Variants in MGME1 observed in about 807,000 individuals in gnomAD.
MGME1 encodes mitochondrial genome maintenance exonuclease 1.
MGME1 carries 22 observed loss-of-function variants against 33.0 expected under a neutral mutation model. The ratio of observed to expected loss-of-function variants is 0.67; its 90% CI spans 0.48 to 0.95. MGME1 has a LOEUF of 0.95. Ranked by LOEUF, MGME1 falls within the 40% of genes least tolerant of loss-of-function variation. The pLI is 0.00. For synonymous variants in MGME1, 133 were observed against 144.0 expected, an observed-to-expected ratio of 0.92 and a Z score of 0.55; for missense variants, 383 against 397.8, an observed-to-expected ratio of 0.96 and a Z score of 0.32.
At chr20:17,977,141 C>T (rs1217109266) in intron 3 of MGME1, among the ~76,000 whole-genome samples, 3 of 151,676 alleles carry the variant, frequency 2.0e-5, no homozygotes, top group Admixed American at 2.0e-4. Flanking sequence ...TTTGGGAGGC[C>T]GAGGTGGGCA....
intron 3 of MGME1, among the ~76,000 whole-genome samples, chr20:17,986,389 T>C (rs2036155578): frequency 6.6e-6 from 1 of 150,646 alleles, no homozygotes; most frequent in Admixed American, 6.6e-5. Flanking sequence ...TTTTTCTTTT[T>C]TCCTGAGACA....
chr20:17,979,416 T>G (rs2035947222), intron 3 of MGME1, among the ~76,000 whole-genome samples: 1 of 149,710 alleles, frequency 6.7e-6, no homozygotes, highest in South Asian at 2.1e-4. Context: ...TTAATTTTAT[T>G]TATTTATTTT....
At chr20:17,979,098 AC>A (rs2035939535) in intron 3 of MGME1, among the ~76,000 whole-genome samples, 1 of 150,136 alleles carries the variant, frequency 6.7e-6, no homozygotes, top group South Asian at 2.1e-4. Flanking sequence ...TTTTTTTAAG[AC>A]ACAGTTTTGT....
At chr20:17,988,730 ACTC>A (rs1271917290) in intron 4 of MGME1, among the ~76,000 whole-genome samples, 1 of 150,692 alleles carries the variant, frequency 6.6e-6, no homozygotes, top group African/African-American at 2.4e-5. Flanking sequence ...AAAAAATAGA[ACTC>A]CTTGAGGTTT....
chr20:17,974,061 G>GTTTT (rs34206000), intron 2 of MGME1, among the ~76,000 whole-genome samples: 3,449 of 85,460 alleles, frequency 0.04, 158 homozygotes, highest in Non-Finnish European at 0.062. Context: ...CTCTTTGTGT[G>GTTTT]TTTTTTTTTT....
intron 3 of MGME1, among the ~76,000 whole-genome samples, chr20:17,981,248 A>G (rs2122570442): frequency 6.6e-6 from 1 of 152,330 alleles, no homozygotes; most frequent in East Asian, 1.9e-4. Flanking sequence ...CAGTCATAAT[A>G]TACAGACATC....
chr20:17,969,785 GT>G lies in MGME1; in HGVS notation c.-59-12del. On this transcript the variant is annotated splice_polypyrimidine_tract_variant and intron_variant, in intron 1 of 4. Coordinates refer to ENST00000377710, the MANE Select transcript of MGME1 (RefSeq NM_052865.4). ...TGATGCAGCTTTCGCTTTGATGGTT[GT>G]TTTCTCTCCAATAGGAATACAAACA... The G allele has an allele frequency of 6.9e-7, 1 of 1,444,502 alleles. No individual in the cohort carries two copies. 89.5% of individuals were successfully genotyped at this position (1,444,502 alleles called of 1,614,324 possible). A position where few individuals can be genotyped will look rare whatever the true frequency, so the allele number is the denominator to read the frequency against.
intron 3 of MGME1, among the ~76,000 whole-genome samples, chr20:17,982,902 G>C (rs1488246168): frequency 6.6e-6 from 1 of 151,950 alleles, no homozygotes; most frequent in Non-Finnish European, 1.5e-5. Context: ...ATCATTTTTT[G>C]GTGGTGAGAA....
intron 3 of MGME1, among the ~76,000 whole-genome samples, chr20:17,985,470 A>ACTT (rs2036132115): frequency 6.6e-6 from 1 of 152,222 alleles, no homozygotes; most frequent in Non-Finnish European, 1.5e-5. Flanking sequence ...CAGTAAGCTA[A>ACTT]AGTTAATGTA....
rs764959584 is a variant in MGME1 at position 17,990,011 on chromosome 20, C to T, written c.937C>T (p.Leu313Phe). The T allele has an allele frequency of 2.7e-5, 44 of 1,613,982 alleles. No individual in the cohort carries two copies. Among genetic ancestry groups the T allele is most frequent in the Non-Finnish European group, 3.6e-5 (43 of 1,179,964 alleles). The change falls in exon 5 of 5, where the codon CTC (leucine) becomes TTC (phenylalanine). Residue 313 changes from leucine to phenylalanine, a missense_variant. Transcript: ENST00000377710. ...PAHPHFMDAE[L>F]CSQYWTKWLL... ...CCACCCACATTTCATGGATGCAGAGCTCTGTTCCCAGTACTGGACCAAGTG... is the reference window on the plus strand; with the variant it reads ...CCACCCACATTTCATGGATGCAGAGTTCTGTTCCCAGTACTGGACCAAGTG...
intron 3 of MGME1, among the ~76,000 whole-genome samples, chr20:17,987,048 C>T (rs534748705): frequency 3.3e-4 from 50 of 151,688 alleles, no homozygotes; most frequent in Admixed American, 2.0e-3. Flanking sequence ...GGCGAGGTGG[C>T]GCACACATGT....
chr20:17,971,574 G>A (rs923938908), intron 2 of MGME1, among the ~76,000 whole-genome samples: 6 of 152,182 alleles, frequency 3.9e-5, no homozygotes, highest in Non-Finnish European at 7.3e-5. Flanking sequence ...GCAGAAACCT[G>A]CTGGAACACA....
At chr20:17,969,361 C>A (rs2035648312) in intron 1 of MGME1, among the ~76,000 whole-genome samples, 1 of 152,226 alleles carries the variant, frequency 6.6e-6, no homozygotes, top group Non-Finnish European at 1.5e-5. Flanking sequence ...CACGTCTGTG[C>A]AACGGGTTCA....
intron 3 of MGME1, among the ~76,000 whole-genome samples, chr20:17,983,267 T>TTTGTGTGTGTGTGTGTGTGTGTG (rs79417227): frequency 2.1e-3 from 300 of 142,682 alleles, no homozygotes; most frequent in East Asian, 3.5e-3. Flanking sequence ...TAGTGTTCTA[T>TTTGTGTGTGTGTGTGTGTGTGTG]TGTGTGTGTG....
chr20:17,979,562 A>G (rs1340822712), intron 3 of MGME1, among the ~76,000 whole-genome samples: 1 of 148,666 alleles, frequency 6.7e-6, no homozygotes, highest in Non-Finnish European at 1.5e-5. Flanking sequence ...GGCGCATGCC[A>G]CCACGCCCGG....
chr20:17,983,573 C>T (rs1203579514), intron 3 of MGME1, among the ~76,000 whole-genome samples: 2 of 152,108 alleles, frequency 1.3e-5, no homozygotes, highest in African/African-American at 4.8e-5. Flanking sequence ...AACAGTTTAT[C>T]AGGGTTCTCT....
chr20:17,979,555 G>A (rs867704416), intron 3 of MGME1, among the ~76,000 whole-genome samples: 3 of 150,806 alleles, frequency 2.0e-5, no homozygotes, highest in Admixed American at 6.6e-5. Flanking sequence ...GACTACAGGC[G>A]CATGCCACCA....
intron 3 of MGME1, among the ~76,000 whole-genome samples, chr20:17,976,404 G>T (rs947830675): frequency 6.6e-6 from 1 of 152,124 alleles, no homozygotes; most frequent in East Asian, 1.9e-4. Flanking sequence ...GATTACAGGC[G>T]TGAGCCACTG....
At position 17,990,172 on chromosome 20, in the gene MGME1, T is replaced by C; in HGVS notation, c.*63T>C. 2.8e-6 allele frequency: 4 copies of C among 1,425,918 alleles called. No individual in the cohort carries two copies. The highest frequency in any genetic ancestry group is 4.0e-6 in the Non-Finnish European group (4 of 1,011,402). The allele number at this position is 1,425,918 out of a possible 1,614,324, so 88.3% of individuals were successfully genotyped here. On this transcript the variant is annotated 3_prime_UTR_variant, in exon 5 of 5. Coordinates refer to ENST00000377710, the MANE Select transcript of MGME1 (RefSeq NM_052865.4). The stretch of plus-strand genomic sequence containing the variant: ...CACAGTTTGGGAACATATATTGCTG[T>C]TTACTCCAGTGTAAAAATGAGGTGC...
Sources: gnomAD v4.1 joint callset for allele counts (sites outside exome capture counted in the v4.1 genomes callset) on GRCh38, gnomAD v4.1.1 for gene constraint, MANE v1.5 for transcripts, NCBI Gene and HGNC (gene_info 2026-07-23, HGNC 2026-07-21) for gene names.